KCNK10: variants seen among roughly 807,000 people sequenced by gnomAD.
The protein encoded by KCNK10 is potassium channel subfamily K member 10.
A neutral mutation model predicts 47.7 loss-of-function variants in KCNK10; 25 were observed. That is an observed-to-expected ratio of 0.52 (90% CI 0.38 to 0.73). The LOEUF (loss-of-function observed/expected upper bound fraction) is 0.73, where lower values mean the gene tolerates loss of function less well. Ranked by LOEUF, KCNK10 falls within the 30% of genes least tolerant of loss-of-function variation. The pLI, the probability that KCNK10 is intolerant of heterozygous loss-of-function variation, is 0.00. For synonymous variants in KCNK10, 303 were observed against 285.6 expected, an observed-to-expected ratio of 1.06 and a Z score of -0.61; for missense variants, 563 against 714.5, an observed-to-expected ratio of 0.79 and a Z score of 2.42.
chr14:88,252,210 C>T (rs1027122758), intron 2 of KCNK10, among the ~76,000 whole-genome samples: 5 of 151,984 alleles, frequency 3.3e-5, no homozygotes, highest in Admixed American at 6.6e-5. Context: ...CCACCACGCC[C>T]AGCCCCAGGA....
chr14:88,234,977 G>C (rs898788898), intron 3 of KCNK10: 3 of 383,630 alleles, frequency 7.8e-6, no homozygotes, highest in African/African-American at 6.3e-5. Context: ...AAATATCCAA[G>C]TATAAAGGGG....
chr14:88,223,195 C>T (rs947492792), intron 4 of KCNK10, among the ~76,000 whole-genome samples: 2 of 152,176 alleles, frequency 1.3e-5, no homozygotes, highest in African/African-American at 4.8e-5. Flanking sequence ...GACATCTACC[C>T]AGCAACTGAC....
chr14:88,302,388 A>T (rs752855198), intron 1 of KCNK10, among the ~76,000 whole-genome samples: 2 of 152,242 alleles, frequency 1.3e-5, no homozygotes, highest in Non-Finnish European at 2.9e-5. Flanking sequence ...AGTCAACAGG[A>T]AACAGGAGTG....
At chr14:88,323,539 C>T (rs1292780034), upstream of KCNK10, 2 of 150,748 alleles carry the variant, frequency 1.3e-5, no homozygotes, top group African/African-American at 4.8e-5. Context: ...CGGCTCGGGG[C>T]AGCGGGAGGC....
chr14:88,206,656 A>G (rs1322723668), intron 4 of KCNK10, among the ~76,000 whole-genome samples: 1 of 152,232 alleles, frequency 6.6e-6, no homozygotes, highest in South Asian at 2.1e-4. Flanking sequence ...GCATTTGGAG[A>G]TATTGCATTC....
chr14:88,240,680 G>A (rs749123927), intron 3 of KCNK10, 23 bp downstream of exon 3: 1 of 1,445,064 alleles, frequency 6.9e-7, no homozygotes, highest in South Asian at 1.1e-5. Flanking sequence ...CAGAGGAAGA[G>A]ATATTAGCAA....
intron 1 of KCNK10, among the ~76,000 whole-genome samples, chr14:88,309,197 C>G (rs934269800): frequency 1.3e-5 from 2 of 152,198 alleles, no homozygotes; most frequent in Non-Finnish European, 2.9e-5. Context: ...TTTGTACTTG[C>G]TGCAGACATA....
chr14:88,309,482 G>C (rs1206728079), intron 1 of KCNK10, among the ~76,000 whole-genome samples: 1 of 152,116 alleles, frequency 6.6e-6, no homozygotes, highest in Non-Finnish European at 1.5e-5. Context: ...CATGCCTATA[G>C]TCCCAGCTAC....
At chr14:88,199,860 G>A (rs1269559537) in intron 4 of KCNK10, among the ~76,000 whole-genome samples, 3 of 152,206 alleles carry the variant, frequency 2.0e-5, no homozygotes, top group African/African-American at 7.2e-5. Flanking sequence ...AAGATTTGAA[G>A]ACAGCCTTCA....
chr14:88,273,091 ATGTAAGTGGTAC>A (rs1304224593), intron 1 of KCNK10, among the ~76,000 whole-genome samples: 2 of 152,196 alleles, frequency 1.3e-5, no homozygotes, highest in Admixed American at 6.5e-5. Flanking sequence ...AGTGATGAGT[ATGTAAGTGGTAC>A]TGAAGCCACA....
At chr14:88,292,867 C>T (rs566586702) in intron 1 of KCNK10, among the ~76,000 whole-genome samples, 12 of 152,246 alleles carry the variant, frequency 7.9e-5, no homozygotes, top group African/African-American at 2.6e-4. Flanking sequence ...CAAGCGATGG[C>T]CTGCCTCGGC....
intron 5 of KCNK10, 79 bp downstream of exon 5, chr14:88,192,145 T>C (rs532153829): frequency 1.5e-6 from 2 of 1,361,376 alleles, no homozygotes; most frequent in Admixed American, 2.2e-5. Context: ...GCAACATCTT[T>C]TATCGATTGC....
intron 6 of KCNK10, among the ~76,000 whole-genome samples, chr14:88,187,636 C>CG (rs372780010): frequency 0.083 from 12,517 of 150,226 alleles, 835 homozygotes; most frequent in East Asian, 0.23. Context: ...CCCCCCCACA[C>CG]ACACACTCAG....
chr14:88,199,063 G>A (rs185942800), intron 4 of KCNK10, among the ~76,000 whole-genome samples: 4 of 152,032 alleles, frequency 2.6e-5, no homozygotes, highest in Admixed American at 1.3e-4. Context: ...GAGATTACAG[G>A]AGCGCACCGC....
intron 2 of KCNK10, among the ~76,000 whole-genome samples, chr14:88,255,524 T>C (rs1886927219): frequency 8.1e-6 from 1 of 123,980 alleles, no homozygotes; most frequent in African/African-American, 3.2e-5. Context: ...TGAGACCCTG[T>C]CTCTACCAAA....
Position 88,182,127 on chromosome 14 carries a change from G to A in KCNK10, c.*3408C>T, listed in dbSNP as rs550057208. On this transcript the variant is annotated 3_prime_UTR_variant, in exon 7 of 7. Transcript: ENST00000319231. Reference sequence around the variant, plus strand: ...CCAAAGTGATAAATATCACTGTTGGGTTAGGACTGGGTATGGAGCTGTACT... The same window carrying A: ...CCAAAGTGATAAATATCACTGTTGGATTAGGACTGGGTATGGAGCTGTACT... 4 of 152,244 alleles carry A rather than the reference G, an allele frequency of 2.6e-5. No individual in the cohort carries two copies. The highest frequency in any genetic ancestry group is 2.6e-4 in the Admixed American group (4 of 15,262). The allele number at this position is 152,244 out of a possible 1,614,324, so 9.4% of individuals were successfully genotyped here. A position where few individuals can be genotyped will look rare whatever the true frequency, so the allele number is the denominator to read the frequency against.
At chr14:88,209,476 C>A (rs994669308) in intron 4 of KCNK10, among the ~76,000 whole-genome samples, 3 of 152,262 alleles carry the variant, frequency 2.0e-5, no homozygotes, top group Non-Finnish European at 4.4e-5. Flanking sequence ...ACGGCATCCC[C>A]TGGGGGAGCC....
chr14:88,208,663 C>G (rs1386773136), intron 4 of KCNK10, among the ~76,000 whole-genome samples: 1 of 152,060 alleles, frequency 6.6e-6, no homozygotes, highest in Non-Finnish European at 1.5e-5. Context: ...TTATAGTACA[C>G]AGCAAAATTT....
intron 1 of KCNK10, chr14:88,270,588 A>G: frequency 1.4e-6 from 1 of 697,020 alleles, no homozygotes; most frequent in Non-Finnish European, 2.6e-6. Flanking sequence ...GGAAGAGATC[A>G]AGCTATGATG....
Sources: gnomAD v4.1 joint callset for allele counts (sites outside exome capture counted in the v4.1 genomes callset) on GRCh38, gnomAD v4.1.1 for gene constraint, MANE v1.5 for transcripts, NCBI Gene and HGNC (gene_info 2026-07-23, HGNC 2026-07-21) for gene names.